Variants in POF1B observed in about 807,000 individuals in gnomAD.
POF1B encodes the protein protein POF1B.
POF1B carries 53 observed loss-of-function variants against 55.3 expected under a neutral mutation model. The observed-to-expected ratio is 0.96, with a 90% CI of 0.77 to 1.20. POF1B has a LOEUF of 1.20. POF1B is among the 50% of genes most tolerant of loss of function. POF1B has a pLI of 0.00. For missense variants in POF1B, 478 were observed against 420.5 expected, an observed-to-expected ratio of 1.14 and a Z score of -1.20; for synonymous variants, 188 against 148.3, an observed-to-expected ratio of 1.27 and a Z score of -1.95.
At chrX:85,304,675 C>A (rs1239824973) in intron 13 of POF1B, among the ~76,000 whole-genome samples, 4 of 110,418 alleles carry the variant, frequency 3.6e-5, no homozygotes, top group African/African-American at 1.3e-4. Context: ...TTTAAGGTGT[C>A]TTTGCTATGT....
chrX:85,293,929 A>G (rs12010754), intron 15 of POF1B, among the ~76,000 whole-genome samples: 23,388 of 108,252 alleles, frequency 0.22, 2,483 homozygotes, highest in African/African-American at 0.41. Flanking sequence ...AGCCAGGATC[A>G]TGCCACTGCA....
chrX:85,303,869 A>G (rs1199427979), intron 14 of POF1B, among the ~76,000 whole-genome samples: 1 of 111,430 alleles, frequency 9.0e-6, no homozygotes, highest in Admixed American at 9.6e-5. Flanking sequence ...ATAGTTTCTT[A>G]AGAGAGAGTT....
chrX:85,315,517 T>A (rs911822916), intron 8 of POF1B, among the ~76,000 whole-genome samples, 190 bp downstream of exon 8: 1 of 111,259 alleles, frequency 9.0e-6, no homozygotes, highest in Non-Finnish European at 1.9e-5. Flanking sequence ...TGTGAATAAT[T>A]ACTAGTTTTA....
At chrX:85,289,019 T>C (rs188074220) in intron 15 of POF1B, among the ~76,000 whole-genome samples, 12 of 111,032 alleles carry the variant, frequency 1.1e-4, no homozygotes, top group Non-Finnish European at 1.9e-4. Flanking sequence ...AATGGTGGAC[T>C]TGGTGGAGAG....
intron 11 of POF1B, 117 bp downstream of exon 11, chrX:85,307,046 A>C (rs1283799375): frequency 1.0e-5 from 6 of 588,717 alleles, no homozygotes; most frequent in Non-Finnish European, 1.6e-5. Flanking sequence ...CATATGAACA[A>C]ATTTTTCCAT....
intron 11 of POF1B, among the ~76,000 whole-genome samples, chrX:85,306,864 T>C (rs1932585450): frequency 8.9e-6 from 1 of 111,845 alleles, no homozygotes; most frequent in South Asian, 3.7e-4. Context: ...ATTGACATGT[T>C]AGTACATTAA....
intron 11 of POF1B, 89 bp from the exon 12 acceptor site, chrX:85,306,422 G>T: frequency 2.1e-6 from 2 of 930,921 alleles, no homozygotes; most frequent in Non-Finnish European, 3.0e-6. Flanking sequence ...ATTGAATCAA[G>T]TAAATATTTT....
intron 2 of POF1B, among the ~76,000 whole-genome samples, chrX:85,375,423 G>A (rs935956073): frequency 1.8e-5 from 2 of 111,044 alleles, no homozygotes; most frequent in African/African-American, 6.6e-5. Flanking sequence ...AACAGGCCCA[G>A]CAATTTATCA....
intron 1 of POF1B, 63 bp downstream of exon 1, chrX:85,379,571 GACACA>G: frequency 1.3e-6 from 1 of 791,856 alleles, no homozygotes; most frequent in Non-Finnish European, 1.8e-6. Flanking sequence ...ACAGACACAC[GACACA>G]CGTGTGGAAA....
At chrX:85,326,302 C>T (rs1466130336) in intron 7 of POF1B, among the ~76,000 whole-genome samples, 1 of 111,658 alleles carries the variant, frequency 9.0e-6, no homozygotes, top group African/African-American at 3.3e-5. Context: ...TCAGGCTCCG[C>T]CAGTGTCCCT....
intron 15 of POF1B, among the ~76,000 whole-genome samples, chrX:85,286,473 C>A (rs1208079393): frequency 1.8e-5 from 2 of 111,162 alleles, no homozygotes; most frequent in African/African-American, 6.5e-5. Flanking sequence ...CCTAAACACT[C>A]AATTAAAAAG....
chrX:85,321,978 T>C (rs1379816717), intron 7 of POF1B, among the ~76,000 whole-genome samples: 66 of 110,939 alleles, frequency 5.9e-4, no homozygotes, highest in African/African-American at 2.1e-3. Flanking sequence ...TCCATGTTCA[T>C]GGGTAGGAAG....
At chrX:85,366,721 T>G (rs1242557143) in intron 3 of POF1B, among the ~76,000 whole-genome samples, 1 of 111,133 alleles carries the variant, frequency 9.0e-6, no homozygotes, top group Non-Finnish European at 1.9e-5. Context: ...ATGTGGCCCA[T>G]GCTAGTCTGT....
At chrX:85,298,475 C>A (rs753462364) in intron 15 of POF1B, among the ~76,000 whole-genome samples, 8 of 111,491 alleles carry the variant, frequency 7.2e-5, no homozygotes, top group African/African-American at 2.6e-4. Context: ...TGTTCAGGAC[C>A]AGGAACTAAT....
intron 9 of POF1B, among the ~76,000 whole-genome samples, chrX:85,310,850 A>G (rs1318533013): frequency 8.9e-6 from 1 of 112,325 alleles, no homozygotes; most frequent in Non-Finnish European, 1.9e-5. Context: ...GCAGCAAGAA[A>G]AACATTAATT....
intron 15 of POF1B, among the ~76,000 whole-genome samples, chrX:85,289,677 G>T (rs1932138586): frequency 9.0e-6 from 1 of 111,221 alleles, no homozygotes; most frequent in Admixed American, 9.6e-5. Flanking sequence ...AAAAAACCAA[G>T]ATAAAAAAAT....
chrX:85,371,183 T>C (rs1425665931), intron 2 of POF1B, among the ~76,000 whole-genome samples: 1 of 111,749 alleles, frequency 8.9e-6, no homozygotes, highest in Non-Finnish European at 1.9e-5. Context: ...ATGTGAGAAA[T>C]GAGAAATGGG....
chrX:85,316,404 G>T (rs1020855877), intron 7 of POF1B, among the ~76,000 whole-genome samples: 2 of 111,099 alleles, frequency 1.8e-5, no homozygotes, highest in African/African-American at 6.5e-5. Context: ...TGATAGGTAG[G>T]AAAATGCTGA....
chrX:85,336,530 G>C (rs1933076842), intron 6 of POF1B, among the ~76,000 whole-genome samples: 1 of 111,094 alleles, frequency 9.0e-6, no homozygotes, highest in African/African-American at 3.3e-5. Flanking sequence ...TCTCACTGTA[G>C]TTTTGATTTG....
Sources: gnomAD v4.1 joint callset for allele counts (sites outside exome capture counted in the v4.1 genomes callset) on GRCh38, gnomAD v4.1.1 for gene constraint, MANE v1.5 for transcripts, NCBI Gene and HGNC (gene_info 2026-07-23, HGNC 2026-07-21) for gene names.